The following ITPR2 variants were observed in gnomAD, a reference collection of about 807,000 sequenced individuals.
ITPR2 encodes inositol 1,4,5-trisphosphate-gated calcium channel ITPR2.
A neutral mutation model predicts 317.1 loss-of-function variants in ITPR2; 207 were observed. The ratio of observed to expected loss-of-function variants is 0.65; its 90% CI spans 0.58 to 0.73. The LOEUF (loss-of-function observed/expected upper bound fraction) is 0.73, where lower values mean the gene tolerates loss of function less well. ITPR2 is among the 30% of genes least tolerant of loss of function. ITPR2 has a pLI of 0.00. For synonymous variants in ITPR2, 1,156 were observed against 1,149.1 expected, an observed-to-expected ratio of 1.01 and a Z score of -0.12; for missense variants, 2,613 against 3,284.0, an observed-to-expected ratio of 0.80 and a Z score of 4.99.
At chr12:26,683,512 A>G (rs914236279) in intron 11 of ITPR2, among the ~76,000 whole-genome samples, 1 of 152,260 alleles carries the variant, frequency 6.6e-6, no homozygotes, top group Non-Finnish European at 1.5e-5. Flanking sequence ...AGCTTCGTTC[A>G]TGCATGAATT....
Position 26,673,799 on chromosome 12 carries a change from T to C in ITPR2, c.1410-7748A>G, listed in dbSNP as rs1341935949. Among the ~76,000 whole-genome samples the C allele has an allele frequency of 2.1e-5, 3 of 140,942 alleles. No homozygotes were observed. In the East Asian group the frequency reaches 6.4e-4, roughly 30 times the overall value. 92.5% of individuals were successfully genotyped at this position (140,942 alleles called of 152,430 possible). ...ATGATTGTATATCTAGAAAACCCCA[T>C]TGTCTCAGCCCAAAATCTCCTTAAG... is the stretch of plus-strand genomic sequence containing the variant. On this transcript the variant is annotated intron_variant, in intron 13 of 56. Coordinates refer to ENST00000381340, the MANE Select transcript of ITPR2 (RefSeq NM_002223.4).
At chr12:26,363,844 C>A (rs1034941001) in intron 55 of ITPR2, among the ~76,000 whole-genome samples, 1 of 151,926 alleles carries the variant, frequency 6.6e-6, no homozygotes, top group East Asian at 1.9e-4. Context: ...CCTAAAATCT[C>A]GACTCATGAT....
At chr12:26,660,927 A>C (rs978262974) in intron 15 of ITPR2, among the ~76,000 whole-genome samples, 4 of 151,708 alleles carry the variant, frequency 2.6e-5, no homozygotes, top group African/African-American at 9.7e-5. Context: ...AAGAAAAACA[A>C]AGTAATTATA....
At position 26,544,583 on chromosome 12, in the gene ITPR2, GACAAACACACAGAGACACACAGAC is replaced by G. The variant is rs1944343789; in HGVS notation, c.5073+5640_5073+5663del. Among the ~76,000 whole-genome samples the G allele has an allele frequency of 4.4e-5, 5 of 112,654 alleles. No individual in the cohort carries two copies. In the South Asian group the frequency reaches 1.5e-3, roughly 35 times the overall value. 73.9% of individuals were successfully genotyped at this position (112,654 alleles called of 152,430 possible). On this transcript the variant is annotated intron_variant, in intron 37 of 56. Coordinates refer to ENST00000381340, the MANE Select transcript of ITPR2 (RefSeq NM_002223.4). ...TCACACATAGACACACACACACACA[GACAAACACACAGAGACACACAGAC>G]ACACACACACACACACACATACACC...
intron 45 of ITPR2, among the ~76,000 whole-genome samples, chr12:26,472,783 A>C (rs1282600670): frequency 6.6e-6 from 1 of 152,106 alleles, no homozygotes; most frequent in African/African-American, 2.4e-5. Flanking sequence ...TCCATCTCTG[A>C]GCACTGCTTG....
At position 26,483,766 on chromosome 12, in the gene ITPR2, C is replaced by T; in HGVS notation, c.5944G>A (p.Val1982Ile). The T allele has an allele frequency of 1.9e-6, 3 of 1,614,178 alleles. No individual in the cohort carries two copies. Among genetic ancestry groups the T allele is most frequent in the Non-Finnish European group, 2.5e-6 (3 of 1,180,004 alleles). Reference sequence around the variant, plus strand: ...TCCAGGTTCTGGTTGACCAGCGCTACATTCTTCTCATTGATGTAGAGACCC... The same window carrying T: ...TCCAGGTTCTGGTTGACCAGCGCTATATTCTTCTCATTGATGTAGAGACCC... ...LLGLYINEKN[V>I]ALVNQNLESL... is the part of the protein sequence containing the mutation. The change falls in exon 42 of 57, where the codon GTA becomes ATA. Residue 1982 changes from valine (V) to isoleucine (I), a missense_variant. This residue lies in a region of ITPR2 where 926 missense variants were observed against 1,072.8 expected (regional missense o/e 0.86). Transcript: ENST00000381340.
chr12:26,645,303 A>G (rs1312201653), intron 21 of ITPR2, among the ~76,000 whole-genome samples: 1 of 152,240 alleles, frequency 6.6e-6, no homozygotes, highest in Non-Finnish European at 1.5e-5. Flanking sequence ...ATCTGATACA[A>G]TACACACAGA....
chr12:26,755,878 A>T (rs1949512623), intron 2 of ITPR2, among the ~76,000 whole-genome samples: 1 of 152,268 alleles, frequency 6.6e-6, no homozygotes, highest in Admixed American at 6.5e-5. Context: ...AAAGAATGTG[A>T]CTTTCTAACA....
intron 54 of ITPR2, among the ~76,000 whole-genome samples, chr12:26,390,117 T>A (rs1370964309): frequency 6.6e-6 from 1 of 152,176 alleles, no homozygotes; most frequent in African/African-American, 2.4e-5. Context: ...TAAGTGTTGG[T>A]GAAGATGTAG....
At chr12:26,573,445 T>C (rs1452504088) in intron 34 of ITPR2, among the ~76,000 whole-genome samples, 1 of 152,084 alleles carries the variant, frequency 6.6e-6, no homozygotes, top group Non-Finnish European at 1.5e-5. Flanking sequence ...CTTTTTATCA[T>C]TTACATGCTA....
At chr12:26,643,638 T>C (rs140004867) in intron 21 of ITPR2, among the ~76,000 whole-genome samples, 188 of 152,312 alleles carry the variant, frequency 1.2e-3, no homozygotes, top group African/African-American at 4.3e-3. Flanking sequence ...AACATCTTAC[T>C]GGAAACTACA....
intron 32 of ITPR2, among the ~76,000 whole-genome samples, chr12:26,589,853 T>TACACACACACACACAC (rs56044866): frequency 1.7e-5 from 1 of 57,304 alleles, no homozygotes; most frequent in African/African-American, 5.7e-5. Flanking sequence ...TATATATATA[T>TACACACACACACACAC]ACACACACAC....
intron 50 of ITPR2, among the ~76,000 whole-genome samples, chr12:26,417,355 A>G (rs936129172): frequency 6.6e-6 from 1 of 152,160 alleles, no homozygotes; most frequent in Non-Finnish European, 1.5e-5. Flanking sequence ...ATCATTTCAC[A>G]TGTTTTTCAT....
At chr12:26,576,014 G>A (rs183884001) in intron 34 of ITPR2, among the ~76,000 whole-genome samples, 1 of 152,136 alleles carries the variant, frequency 6.6e-6, no homozygotes, top group Admixed American at 6.5e-5. Flanking sequence ...GAGAAAGAAG[G>A]AAAAAGAGAA....
intron 36 of ITPR2, among the ~76,000 whole-genome samples, chr12:26,555,917 G>A (rs775660469): frequency 6.6e-6 from 1 of 152,066 alleles, no homozygotes; most frequent in Non-Finnish European, 1.5e-5. Flanking sequence ...CTTTAAACAA[G>A]AATTTTTTTA....
chr12:26,596,561 C>T (rs11048604), intron 31 of ITPR2, among the ~76,000 whole-genome samples: 14,986 of 150,988 alleles, frequency 0.099, 840 homozygotes, highest in Middle Eastern at 0.15. Context: ...GCAGGAGAAT[C>T]GCTTGAACCC....
chr12:26,414,088 A>ACACACACACACACACACACAC (rs1940645837), intron 51 of ITPR2, among the ~76,000 whole-genome samples: 1 of 72,550 alleles, frequency 1.4e-5, no homozygotes, highest in African/African-American at 4.8e-5. Flanking sequence ...CACACACACA[A>ACACACACACACACACACACAC]ACACAAGTCC....
chr12:26,492,142 C>T (rs915517981), intron 39 of ITPR2, among the ~76,000 whole-genome samples: 3 of 152,046 alleles, frequency 2.0e-5, no homozygotes, highest in African/African-American at 7.2e-5. Flanking sequence ...GGTGGTATCC[C>T]AAGACCCAGG....
intron 52 of ITPR2, among the ~76,000 whole-genome samples, chr12:26,409,636 G>A (rs1454770276): frequency 1.3e-5 from 2 of 151,958 alleles, no homozygotes; most frequent in Non-Finnish European, 2.9e-5. Context: ...TTAGCTCAAC[G>A]GCTGTATAAA....
Sources: allele counts gnomAD v4.1 joint callset (sites outside exome capture counted in the v4.1 genomes callset), GRCh38; gene constraint gnomAD v4.1.1; regional missense constraint gnomAD v4.1.1; transcripts MANE v1.5; gene names NCBI Gene and HGNC (gene_info 2026-07-23, HGNC 2026-07-21).